The following MITF variants were observed in gnomAD, a reference collection of about 807,000 sequenced individuals.
The protein encoded by MITF is melanocyte inducing transcription factor, also known as microphthalmia-associated transcription factor.
A neutral mutation model predicts 60.5 loss-of-function variants in MITF; 17 were observed. The observed-to-expected ratio is 0.28, with a 90% CI of 0.19 to 0.42. The LOEUF (loss-of-function observed/expected upper bound fraction) is 0.42, where lower values mean the gene tolerates loss of function less well. MITF is among the 10% of genes least tolerant of loss of function. The pLI, the probability that MITF is intolerant of heterozygous loss-of-function variation, is 1.00. For missense variants in MITF, 622 were observed against 683.5 expected (o/e 0.91, Z 1.00); for synonymous variants, 260 against 248.5 (o/e 1.05, Z -0.43).
chr3:69,842,713 A>C (rs546595599), intron 1 of MITF, among the ~76,000 whole-genome samples: 7 of 151,806 alleles, frequency 4.6e-5, no homozygotes, highest in Non-Finnish European at 1.0e-4. Context: ...CTGTGTAACA[A>C]ATTTGCATTT....
intron 8 of MITF, 107 bp from the exon 9 acceptor site, chr3:69,959,166 A>G: frequency 9.4e-6 from 12 of 1,279,628 alleles, no homozygotes; most frequent in Non-Finnish European, 1.3e-5. Flanking sequence ...CTATTGAAAT[A>G]AAAAAAAATT....
At position 69,822,461 on chromosome 3, in the gene MITF, G is replaced by A. The variant is rs540999996; in HGVS notation, c.105-56673G>A. ...TTCTGGAGTATTTATTCCATTCCTG[G>A]CACTGTCATAGGCACTGGGGAAATG... On this transcript the variant is annotated intron_variant, in intron 1 of 9. Transcript: ENST00000352241. Among the ~76,000 whole-genome samples, 5 of 152,166 alleles carry A rather than the reference G, an allele frequency of 3.3e-5. No individual in the cohort carries two copies. In the East Asian group the frequency reaches 9.7e-4, roughly 29 times the overall value.
chr3:69,861,522 A>G (rs2064016445), intron 1 of MITF, among the ~76,000 whole-genome samples: 1 of 152,212 alleles, frequency 6.6e-6, no homozygotes, highest in Non-Finnish European at 1.5e-5. Context: ...CCTGCAAAAC[A>G]TCATCTGCCA....
chr3:69,814,014 G>A (rs1239961924), intron 1 of MITF, among the ~76,000 whole-genome samples: 1 of 152,030 alleles, frequency 6.6e-6, no homozygotes, highest in East Asian at 1.9e-4. Context: ...TGAGGTAAAT[G>A]GTGGTATGGC....
At position 69,926,619 on chromosome 3, in the gene MITF, G is replaced by A. The variant is rs577464690; in HGVS notation, c.355-11203G>A. On this transcript the variant is annotated intron_variant, in intron 2 of 9. Transcript: ENST00000352241. The stretch of plus-strand genomic sequence containing the variant: ...CTGAGGCAGGGCTAAACTGGGGCAC[G>A]TGGAAAAGTTCTAGCATGTGGAATG... Among the ~76,000 whole-genome samples, 10 of 152,280 alleles carry A rather than the reference G, an allele frequency of 6.6e-5. No homozygotes were observed. The South Asian group carries it at 1.0e-3, about 16-fold the overall frequency.
chr3:69,959,559 G>A, intron 9 of MITF, 139 bp downstream of exon 9: 3 of 1,152,468 alleles, frequency 2.6e-6, no homozygotes, highest in Non-Finnish European at 3.8e-6. Flanking sequence ...GATTCTGTGT[G>A]TGTGAATTTG....
At chr3:69,938,988 T>C (rs932971019) in intron 3 of MITF, 110 bp from the exon 4 acceptor site, 1 of 1,549,488 alleles carries the variant, frequency 6.5e-7, no homozygotes, top group Admixed American at 2.0e-5. Flanking sequence ...TCCACTTTGT[T>C]TGAAAGCTTA....
In MITF at chr3:69,967,674, A is replaced by G; in HGVS notation, c.*2426A>G. ...AGACAATTTCTGCAGGTGGCAGGTGAGCAAGCCCAGGAGAATGCTGCAATC... is the reference window on the plus strand; with the variant it reads ...AGACAATTTCTGCAGGTGGCAGGTGGGCAAGCCCAGGAGAATGCTGCAATC... On this transcript the variant is annotated 3_prime_UTR_variant, in exon 10 of 10. Coordinates refer to ENST00000352241, the MANE Select transcript of MITF (RefSeq NM_001354604.2). 4.3e-6 allele frequency: 1 copy of G among 233,110 alleles called. No homozygotes were observed. The highest frequency in any genetic ancestry group is 8.5e-6 in the Non-Finnish European group (1 of 117,948). The allele number at this position is 233,110 out of a possible 1,614,324, so 14.4% of individuals were successfully genotyped here. A position where few individuals can be genotyped will look rare whatever the true frequency, so the allele number is the denominator to read the frequency against.
chr3:69,944,722 A>C (rs571546871), intron 5 of MITF, among the ~76,000 whole-genome samples: 1 of 152,156 alleles, frequency 6.6e-6, no homozygotes, highest in East Asian at 1.9e-4. Flanking sequence ...AATAGCATCT[A>C]CTGCAATAGA....
rs533067071 is a variant in MITF, at chr3:69,845,178, T to C, written c.105-33956T>C. On this transcript the variant is annotated intron_variant, in intron 1 of 9. Transcript: ENST00000352241. ...ATCCACTTATATTAATTTTCCATCA[T>C]TGGTTCATCTTGGGATGTTGTGTGC... Among the ~76,000 whole-genome samples, 4 of 152,244 alleles carry C rather than the reference T, an allele frequency of 2.6e-5. No homozygotes were observed. The East Asian group carries it at 7.7e-4, about 29-fold the overall frequency.
intron 1 of MITF, among the ~76,000 whole-genome samples, chr3:69,788,126 C>CTT (rs201520960): frequency 7.0e-6 from 1 of 142,838 alleles, no homozygotes; most frequent in Non-Finnish European, 1.6e-5. Flanking sequence ...CCACTATTTT[C>CTT]TTTTTCTTTT....
At chr3:69,920,578 C>A (rs1162923415) in intron 2 of MITF, among the ~76,000 whole-genome samples, 2 of 152,156 alleles carry the variant, frequency 1.3e-5, no homozygotes, top group East Asian at 3.9e-4. Flanking sequence ...CTCTCTGTCT[C>A]CTCTCCCTCT....
chr3:69,826,024 C>A (rs1457067387), intron 1 of MITF, among the ~76,000 whole-genome samples: 1 of 152,072 alleles, frequency 6.6e-6, no homozygotes, highest in Non-Finnish European at 1.5e-5. Context: ...TGTGCAGGTG[C>A]ATCTTTTTAA....
At chr3:69,845,775 A>G (rs902891367) in intron 1 of MITF, among the ~76,000 whole-genome samples, 1 of 152,066 alleles carries the variant, frequency 6.6e-6, no homozygotes. Context: ...TTGGTCCACC[A>G]CCCAAGCTGA....
chr3:69,880,136 T>C (rs759255210), intron 2 of MITF, among the ~76,000 whole-genome samples: 15 of 152,176 alleles, frequency 9.9e-5, no homozygotes, highest in Non-Finnish European at 1.8e-4. Context: ...TAGAGGAACT[T>C]CCTTATTTTT....
At chr3:69,800,320 G>A (rs2062898240) in intron 1 of MITF, among the ~76,000 whole-genome samples, 3 of 152,186 alleles carry the variant, frequency 2.0e-5, no homozygotes, top group South Asian at 2.1e-4. Context: ...TCCAGTGTAG[G>A]GATATACCAC....
intron 1 of MITF, among the ~76,000 whole-genome samples, chr3:69,847,946 AATG>A (rs2063759950): frequency 6.6e-6 from 1 of 152,204 alleles, no homozygotes; most frequent in Non-Finnish European, 1.5e-5. Flanking sequence ...TTCCACATTT[AATG>A]ATGTGCTGGC....
At chr3:69,945,843 A>G (rs1402328432) in intron 5 of MITF, among the ~76,000 whole-genome samples, 9 of 152,150 alleles carry the variant, frequency 5.9e-5, no homozygotes, top group African/African-American at 2.2e-4. Context: ...GGGAAACAAA[A>G]TCAGCTCTAG....
chr3:69,816,395 G>A (rs1475063737), intron 1 of MITF, among the ~76,000 whole-genome samples: 1 of 152,138 alleles, frequency 6.6e-6, no homozygotes, highest in Admixed American at 6.5e-5. Context: ...TGATCACACT[G>A]CTCATCTCAT....
Sources: gnomAD v4.1 joint callset for allele counts (sites outside exome capture counted in the v4.1 genomes callset) on GRCh38, gnomAD v4.1.1 for gene constraint, MANE v1.5 for transcripts, NCBI Gene and HGNC (gene_info 2026-07-23, HGNC 2026-07-21) for gene names.